Variants in GABRA2 observed in about 807,000 individuals in gnomAD.
The protein encoded by GABRA2 is gamma-aminobutyric acid receptor subunit alpha-2.
GABRA2 carries 16 observed loss-of-function variants against 48.7 expected under a neutral mutation model. That is an observed-to-expected ratio of 0.33 (90% CI 0.22 to 0.50). The LOEUF (loss-of-function observed/expected upper bound fraction) is 0.50. Among genes scored for constraint, GABRA2 ranks in the 20% least tolerant of loss-of-function variants. The pLI is 0.98. For missense variants in GABRA2, 275 were observed against 535.6 expected (o/e 0.51, Z 4.80); for synonymous variants, 185 against 184.5 (o/e 1.00, Z -0.02).
intron 7 of GABRA2, among the ~76,000 whole-genome samples, chr4:46,304,984 G>A (rs1221514706): frequency 6.7e-6 from 1 of 150,228 alleles, no homozygotes; most frequent in East Asian, 2.0e-4. Flanking sequence ...ACTACTCTGA[G>A]AAGACACATA....
chr4:46,317,390 C>T (rs2109727307), intron 4 of GABRA2, among the ~76,000 whole-genome samples: 1 of 151,682 alleles, frequency 6.6e-6, no homozygotes, highest in Admixed American at 6.6e-5. Flanking sequence ...TTATATATCA[C>T]TTTAAATATA....
intron 6 of GABRA2, among the ~76,000 whole-genome samples, chr4:46,307,272 T>A (rs1577989853): frequency 6.6e-6 from 1 of 151,930 alleles, no homozygotes; most frequent in South Asian, 2.1e-4. Flanking sequence ...AACTAGGAAC[T>A]CATTTGTAGA....
At position 46,265,837 on chromosome 4, in the gene GABRA2, A is replaced by G. The variant is rs552842499; in HGVS notation, c.857-3709T>C. On this transcript the variant is annotated intron_variant, in intron 8 of 9. Transcript: ENST00000381620. Reference sequence around the variant, plus strand: ...TAGAGATACAAATTTCTCTTTAAGAACAAGCTTTTGTATTTTCCATAACAT... The same window carrying G: ...TAGAGATACAAATTTCTCTTTAAGAGCAAGCTTTTGTATTTTCCATAACAT... Among the ~76,000 whole-genome samples the G allele has an allele frequency of 3.3e-5, 5 of 152,122 alleles. No homozygotes were observed. The South Asian group carries it at 1.0e-3, about 32-fold the overall frequency.
At chr4:46,348,683 C>A (rs532500916) in intron 3 of GABRA2, among the ~76,000 whole-genome samples, 69 of 149,054 alleles carry the variant, frequency 4.6e-4, no homozygotes, top group African/African-American at 1.6e-3. Flanking sequence ...GGACAAAAAA[C>A]CAAACACCGC....
chr4:46,265,008 A>ATATATATAT (rs1717825404), intron 8 of GABRA2, among the ~76,000 whole-genome samples: 1 of 57,994 alleles, frequency 1.7e-5, no homozygotes, highest in Non-Finnish European at 4.1e-5. Flanking sequence ...TATATGTATA[A>ATATATATAT]AGAGAGAGAG....
chr4:46,265,437 T>TATATATAC (rs1560448557), intron 8 of GABRA2, among the ~76,000 whole-genome samples: 30 of 124,692 alleles, frequency 2.4e-4, no homozygotes, highest in African/African-American at 1.2e-3. Context: ...TATATATATA[T>TATATATAC]AATATATTGT....
At chr4:46,270,705 A>T (rs1309017432) in intron 8 of GABRA2, among the ~76,000 whole-genome samples, 1 of 152,004 alleles carries the variant, frequency 6.6e-6, no homozygotes, top group Non-Finnish European at 1.5e-5. Context: ...GCACTTTTAT[A>T]TTTTGGTTTA....
At chr4:46,264,653 A>C (rs149179098) in intron 8 of GABRA2, among the ~76,000 whole-genome samples, 1 of 151,974 alleles carries the variant, frequency 6.6e-6, no homozygotes, top group East Asian at 1.9e-4. Flanking sequence ...TTTTATTGTG[A>C]TTCCTTTCTC....
At chr4:46,255,804 C>G (rs763846129) in intron 9 of GABRA2, among the ~76,000 whole-genome samples, 1 of 151,610 alleles carries the variant, frequency 6.6e-6, no homozygotes, top group Non-Finnish European at 1.5e-5. Context: ...TCAAAACAAT[C>G]TTGACTTCCT....
intron 4 of GABRA2, among the ~76,000 whole-genome samples, chr4:46,323,404 C>A (rs948233468): frequency 1.3e-5 from 2 of 151,564 alleles, no homozygotes; most frequent in Admixed American, 6.6e-5. Context: ...TCTCAGATAT[C>A]TTTTTTTTCC....
intron 8 of GABRA2, among the ~76,000 whole-genome samples, chr4:46,271,032 A>G (rs1719229475): frequency 6.6e-6 from 1 of 151,982 alleles, no homozygotes; most frequent in Non-Finnish European, 1.5e-5. Flanking sequence ...TATGCCAAAA[A>G]TATCACTCTG....
intron 9 of GABRA2, chr4:46,256,430 A>G (rs1050132358): frequency 8.5e-6 from 4 of 471,082 alleles, no homozygotes; most frequent in African/African-American, 6.0e-5. Context: ...AAAATTTGAC[A>G]TCACTTTCTA....
intron 8 of GABRA2, 170 bp downstream of exon 8, chr4:46,303,290 G>A (rs1726068093): frequency 6.3e-6 from 4 of 635,512 alleles, no homozygotes; most frequent in Admixed American, 5.7e-5. Context: ...CTTATTAACA[G>A]TGTAGCACTA....
chr4:46,378,487 C>T (rs560662381), intron 3 of GABRA2, among the ~76,000 whole-genome samples: 126 of 151,870 alleles, frequency 8.3e-4, no homozygotes, highest in African/African-American at 2.9e-3. Context: ...CATCACCACT[C>T]CCTAATCTCA....
chr4:46,356,683 T>C (rs1384095165), intron 3 of GABRA2, among the ~76,000 whole-genome samples: 1 of 152,176 alleles, frequency 6.6e-6, no homozygotes, highest in Non-Finnish European at 1.5e-5. Flanking sequence ...TATTCTATTT[T>C]CTGAGATGAG....
chr4:46,371,801 A>G (rs1324585055), intron 3 of GABRA2, among the ~76,000 whole-genome samples: 1 of 152,218 alleles, frequency 6.6e-6, no homozygotes, highest in South Asian at 2.1e-4. Context: ...TTAGAAATAA[A>G]AATTATAAAT....
chr4:46,246,193 T>C lies in GABRA2; in HGVS notation c.*4115A>G, dbSNP rs1376841175. ...CGGAAGTTAAAAAGGGAAAAATGCT[T>C]CACTTGGTTTAATTAACAACAGTCT... is the stretch of plus-strand genomic sequence containing the variant. On this transcript the variant is annotated 3_prime_UTR_variant, in exon 10 of 10. Coordinates refer to ENST00000381620, the MANE Select transcript of GABRA2 (RefSeq NM_000807.4). 6.6e-6 allele frequency among the ~76,000 whole-genome samples: 1 copy of C among 151,092 alleles called. No homozygotes were observed. The highest frequency in any genetic ancestry group is 1.5e-5 in the Non-Finnish European group (1 of 67,454).
intron 4 of GABRA2, among the ~76,000 whole-genome samples, chr4:46,325,619 C>T (rs1730221815): frequency 6.6e-6 from 1 of 151,930 alleles, no homozygotes; most frequent in Non-Finnish European, 1.5e-5. Context: ...GTTATAATTG[C>T]TTTCAGGGAC....
intron 3 of GABRA2, among the ~76,000 whole-genome samples, chr4:46,358,643 G>A (rs1712608141): frequency 6.6e-6 from 1 of 152,094 alleles, no homozygotes; most frequent in African/African-American, 2.4e-5. Flanking sequence ...TGTTTGCTGG[G>A]TTAGTTCTTG....
Sources: gnomAD v4.1 joint callset for allele counts (sites outside exome capture counted in the v4.1 genomes callset) on GRCh38, gnomAD v4.1.1 for gene constraint, MANE v1.5 for transcripts, NCBI Gene and HGNC (gene_info 2026-07-23, HGNC 2026-07-21) for gene names.